Variants in SLC34A1 observed in about 807,000 individuals in gnomAD.
The protein encoded by SLC34A1 is sodium-dependent phosphate transport protein 2A.
In SLC34A1, 57 loss-of-function variants were observed where a neutral mutation model predicts 51.4. The ratio of observed to expected loss-of-function variants is 1.11; its 90% CI spans 0.90 to 1.38. The LOEUF is 1.38. Ranked by LOEUF, SLC34A1 falls within the 40% of genes most tolerant of loss-of-function variation. The probability of loss-of-function intolerance (pLI) is 0.00; values close to 1 mark genes in which losing one functional copy is unlikely to be tolerated. For synonymous variants in SLC34A1, 368 were observed against 358.0 expected (o/e 1.03, Z -0.32); for missense variants, 796 against 835.6 (o/e 0.95, Z 0.58).
chr5:177,396,532 G>A lies in SLC34A1; in HGVS notation c.1175-201G>A, dbSNP rs1379448200. Among the ~76,000 whole-genome samples, 60 of 119,122 alleles carry A rather than the reference G, an allele frequency of 5.0e-4. 2 individuals carry two copies. The highest frequency in any genetic ancestry group is 5.7e-4 in the Non-Finnish European group (30 of 52,734). The allele number at this position is 119,122 out of a possible 152,430, so 78.1% of individuals were successfully genotyped here. On this transcript the variant is annotated intron_variant, in intron 10 of 12. Coordinates refer to ENST00000324417, the MANE Select transcript of SLC34A1 (RefSeq NM_003052.5). The surrounding 1 kb of genome is among the most constrained non-coding windows in gnomAD (Gnocchi z 4.0). ...GGAGGTCCTCTCTCCCAGTGCCCCC[G>A]CGGAGGTCCGCTCTCCCAGTGCCCC...
rs140649226 is a variant in SLC34A1 at position 177,396,781 on chromosome 5, T to A, written c.1223T>A (p.Val408Glu). ...GTCACAGGCTACTTTGCCATGGTGG[T>A]GGGCGCCAGCATGACCTTCGTGGTC... Reference protein sequence around the residue: ...TWVTGYFAMVVGASMTFVVQS... With the variant: ...TWVTGYFAMVEGASMTFVVQS... Residue 408 changes from valine (V) to glutamate (E), a missense_variant, in exon 11 of 13, where the codon GTG (valine) becomes GAG (glutamate). By Grantham distance (121) the Val-to-Glu change is moderately radical (BLOSUM62 -2). Coordinates refer to ENST00000324417, the MANE Select transcript of SLC34A1 (RefSeq NM_003052.5). The surrounding 1 kb of genome is among the most constrained non-coding windows in gnomAD (Gnocchi z 4.0). The A allele has an allele frequency of 1.7e-4, 271 of 1,614,098 alleles. No individual in the cohort carries two copies. Among genetic ancestry groups the A allele is most frequent in the Non-Finnish European group, 2.2e-4 (262 of 1,180,048 alleles).
rs1448100237 is a variant in SLC34A1 at position 177,396,607 on chromosome 5, G to GC, written c.1175-121dup. 4 of 659,186 alleles carry GC rather than the reference G, an allele frequency of 6.1e-6. 1 individual carries two copies. Among genetic ancestry groups the GC allele is most frequent in the Non-Finnish European group, 1.1e-5 (4 of 362,580 alleles). The allele number at this position is 659,186 out of a possible 1,614,324, so 40.8% of individuals were successfully genotyped here. A position where few individuals can be genotyped will look rare whatever the true frequency, so the allele number is the denominator to read the frequency against. On this transcript the variant is annotated intron_variant, in intron 10 of 12. Coordinates refer to ENST00000324417, the MANE Select transcript of SLC34A1 (RefSeq NM_003052.5). This position sits in a 1 kb window ranked among gnomAD's most constrained non-coding sequence, Gnocchi z 4.0. ...CCCCGCGGAGGTCCTCTCTCCCAGTGCCCCCGCGGAGATCCGCTCTCCCAG... is the reference window on the plus strand; with the variant it reads ...CCCCGCGGAGGTCCTCTCTCCCAGTGCCCCCCGCGGAGATCCGCTCTCCCAG...
intron 5 of SLC34A1, 121 bp from the exon 6 acceptor site, chr5:177,387,641 C>G (rs1007778151): frequency 4.8e-6 from 4 of 839,008 alleles, no homozygotes; most frequent in Non-Finnish European, 8.1e-6. Flanking sequence ...TAGGCAGACT[C>G]AGCAGCATGG....
At chr5:177,387,674 G>A in intron 5 of SLC34A1, 88 bp from the exon 6 acceptor site, 1 of 1,116,090 alleles carries the variant, frequency 9.0e-7, no homozygotes, top group Non-Finnish European at 1.4e-6. Flanking sequence ...CTGGGGACTG[G>A]GACGTGGGTG....
chr5:177,392,623 C>A (rs1053377154), intron 8 of SLC34A1, among the ~76,000 whole-genome samples: 1 of 152,040 alleles, frequency 6.6e-6, no homozygotes, highest in Non-Finnish European at 1.5e-5. Flanking sequence ...TTGTTGCTTT[C>A]GGGAGTTTTT....
intron 10 of SLC34A1, among the ~76,000 whole-genome samples, chr5:177,395,605 A>G (rs1762931328): frequency 6.6e-6 from 1 of 152,070 alleles, no homozygotes; most frequent in Admixed American, 6.5e-5. Context: ...GACTTGGGGT[A>G]AGGGAGCAAC....
intron 8 of SLC34A1, chr5:177,389,665 A>G: frequency 6.5e-7 from 1 of 1,537,174 alleles, no homozygotes; most frequent in South Asian, 1.2e-5. Context: ...GAGAAATCAC[A>G]CACTTTGATC....
Position 177,385,869 on chromosome 5 carries a change from C to A in SLC34A1, c.109+19C>A. On this transcript the variant is annotated intron_variant, in intron 2 of 12. Coordinates refer to ENST00000324417, the MANE Select transcript of SLC34A1 (RefSeq NM_003052.5). ...CCTCAGGGTAAGTGCTGCTCCCACA[C>A]CCTGGACCCTGGTTGCCCACGGTTG... 1 of 1,612,154 alleles carries A rather than the reference C, an allele frequency of 6.2e-7. No homozygotes were observed. Among genetic ancestry groups the A allele is most frequent in the Admixed American group, 1.7e-5 (1 of 60,028 alleles).
chr5:177,394,683 T>TTTG (rs1554096204), intron 10 of SLC34A1, among the ~76,000 whole-genome samples: 1 of 144,842 alleles, frequency 6.9e-6, no homozygotes, highest in East Asian at 2.0e-4. Flanking sequence ...ATAGTGAGAC[T>TTTG]TTGTCTTTTT....
chr5:177,396,881 G>A lies in SLC34A1; in HGVS notation c.1291+32G>A, dbSNP rs533901697. On this transcript the variant is annotated intron_variant, in intron 11 of 12. Transcript: ENST00000324417. This position sits in a 1 kb window ranked among gnomAD's most constrained non-coding sequence, Gnocchi z 4.0. ...GCCCATGTAGAGGTGGAGTGGGGTG[G>A]GCCAGGGCTGGCAGGGAAAGGGCCG... 2.4e-5 allele frequency: 38 copies of A among 1,614,146 alleles called. No individual in the cohort carries two copies. In the South Asian group the frequency reaches 3.8e-4, roughly 16 times the overall value.
Position 177,386,602 on chromosome 5 carries a change from G to C in SLC34A1, c.532+36G>C, listed in dbSNP as rs772422439. The stretch of plus-strand genomic sequence containing the variant: ...CCACCAGGGTGGGGAAGAGCTTGGA[G>C]GGGCACCCCAGGAGCTGGGAAGGGT... On this transcript the variant is annotated intron_variant, in intron 5 of 12. Transcript: ENST00000324417. This position sits in a 1 kb window ranked among gnomAD's most constrained non-coding sequence, Gnocchi z 4.8. The C allele has an allele frequency of 2.5e-6, 4 of 1,612,432 alleles. No individual in the cohort carries two copies. The highest frequency in any genetic ancestry group is 2.2e-5 in the South Asian group (2 of 91,056).
chr5:177,393,546 G>C, intron 8 of SLC34A1, 148 bp from the exon 9 acceptor site: 1 of 753,456 alleles, frequency 1.3e-6, no homozygotes, highest in Non-Finnish European at 2.4e-6. Context: ...CAGTGGAAGA[G>C]ACAGGCTCAG....
chr5:177,389,352 C>T lies in SLC34A1; in HGVS notation c.936+980C>T, dbSNP rs545394142. ...ACAGCACAGCACAGCACAAGCCCTT[C>T]CCCTTCCCCTTCCCCTTCCCCTTCC... On this transcript the variant is annotated intron_variant, in intron 8 of 12. Transcript: ENST00000324417. 2.0e-5 allele frequency among the ~76,000 whole-genome samples: 3 copies of T among 149,292 alleles called. No individual in the cohort carries two copies. The South Asian group carries it at 6.3e-4, about 31-fold the overall frequency.
chr5:177,390,142 G>A lies in SLC34A1; in HGVS notation c.936+1770G>A, dbSNP rs3812035. 83 of 1,016,866 alleles carry A rather than the reference G, an allele frequency of 8.2e-5. No homozygotes were observed. In the South Asian group the frequency reaches 1.4e-3, roughly 17 times the overall value. The allele number at this position is 1,016,866 out of a possible 1,614,324, so 63.0% of individuals were successfully genotyped here. A position where few individuals can be genotyped will look rare whatever the true frequency, so the allele number is the denominator to read the frequency against. ...TCCCTTCCAACCTGTTCCCATTGACGCCAACTTTCACCATGCTGGACCTGA... is the reference window on the plus strand; with the variant it reads ...TCCCTTCCAACCTGTTCCCATTGACACCAACTTTCACCATGCTGGACCTGA... On this transcript the variant is annotated intron_variant, in intron 8 of 12. Transcript: ENST00000324417.
rs1561634556 is a variant in SLC34A1 at position 177,396,488 on chromosome 5, T to TG, written c.1175-245_1175-244insG. Among the ~76,000 whole-genome samples, 1 of 66,806 alleles carries TG rather than the reference T, an allele frequency of 1.5e-5. No individual in the cohort carries two copies. The highest frequency in any genetic ancestry group is 3.2e-5 in the Non-Finnish European group (1 of 31,446). The allele number at this position is 66,806 out of a possible 152,430, so 43.8% of individuals were successfully genotyped here. On this transcript the variant is annotated intron_variant, in intron 10 of 12. Transcript: ENST00000324417. The surrounding 1 kb of genome is among the most constrained non-coding windows in gnomAD (Gnocchi z 4.0). ...TCTCCCAGTGCCCCCGCGGAGGTCC[T>TG]CTCTCCCAGTGCCCCCGCGGAGGTC...
chr5:177,385,313 T>A (rs1258365689), intron 1 of SLC34A1, among the ~76,000 whole-genome samples: 1 of 152,146 alleles, frequency 6.6e-6, no homozygotes, highest in Non-Finnish European at 1.5e-5. Flanking sequence ...CAGTTCTCAG[T>A]GTCTTTTATC....
chr5:177,397,037 T>C lies in SLC34A1; in HGVS notation c.1379T>C (p.Leu460Pro), dbSNP rs1347273995. The C allele has an allele frequency of 6.2e-7, 1 of 1,613,912 alleles. No homozygotes were observed. ...GTTTTAILAA[L>P]ASPREKLSSA... is the part of the protein sequence containing the mutation. ...ACCACCACGGCCATCCTGGCTGCCCTGGCCAGCCCCAGGGAGAAGCTGTCC... is the reference window on the plus strand; with the variant it reads ...ACCACCACGGCCATCCTGGCTGCCCCGGCCAGCCCCAGGGAGAAGCTGTCC... Residue 460 changes from leucine (L) to proline (P), a missense_variant, in exon 12 of 13, where the codon CTG becomes CCG. Leu to Pro is a moderately conservative substitution (Grantham distance 98). Transcript: ENST00000324417.
In SLC34A1 at chr5:177,396,986, T is replaced by A; in HGVS notation, c.1328T>A (p.Leu443His). ...GVISIERAYP[L>H]TLGSNIGTTT... ...ATCAGCATTGAGAGGGCCTACCCGCTCACACTGGGTTCCAACATCGGCACC... is the reference window on the plus strand; with the variant it reads ...ATCAGCATTGAGAGGGCCTACCCGCACACACTGGGTTCCAACATCGGCACC... Residue 443 changes from leucine to histidine, a missense_variant, in exon 12 of 13, where the codon CTC becomes CAC. By Grantham distance (99) the Leu-to-His change is moderately conservative (BLOSUM62 -3). Coordinates refer to ENST00000324417, the MANE Select transcript of SLC34A1 (RefSeq NM_003052.5). The surrounding 1 kb of genome is among the most constrained non-coding windows in gnomAD (Gnocchi z 4.0). 6.2e-7 allele frequency: 1 copy of A among 1,614,134 alleles called. No homozygotes were observed. Among genetic ancestry groups the A allele is most frequent in the Non-Finnish European group, 8.5e-7 (1 of 1,180,014 alleles).
rs376064515 is a variant in SLC34A1 at position 177,398,205 on chromosome 5, G to C, written c.1839G>C (p.Arg613Ser). 2.5e-6 allele frequency: 4 copies of C among 1,606,906 alleles called. No individual in the cohort carries two copies. Among genetic ancestry groups the C allele is most frequent in the Admixed American group, 1.7e-5 (1 of 59,970 alleles). ...CCCGCTCACCCCCGCTGCCCCCCAG[G>C]GTCTTCCTGGAGGAGCTACCCCCTG... ...PEPRSPPLPP[R>S]VFLEELPPAT... Residue 613 changes from arginine (R) to serine (S), a missense_variant, in exon 13 of 13, where the codon AGG (arginine) becomes AGC (serine). Transcript: ENST00000324417. This position sits in a 1 kb window ranked among gnomAD's most constrained non-coding sequence, Gnocchi z 4.7.
Sources: allele counts gnomAD v4.1 joint callset (sites outside exome capture counted in the v4.1 genomes callset), GRCh38; gene constraint gnomAD v4.1.1; non-coding constraint Gnocchi (gnomAD v3.1); transcripts MANE v1.5; gene names NCBI Gene and HGNC (gene_info 2026-07-23, HGNC 2026-07-21).